DKK3: variants seen among roughly 807,000 people sequenced by gnomAD.
DKK3 encodes dickkopf-related protein 3.
DKK3 carries 22 observed loss-of-function variants against 33.2 expected under a neutral mutation model. That is an observed-to-expected ratio of 0.66 (90% confidence interval 0.47 to 0.95). The LOEUF (loss-of-function observed/expected upper bound fraction) is 0.95. Ranked by LOEUF, DKK3 falls within the 40% of genes least tolerant of loss-of-function variation. DKK3 has a pLI of 0.00. For synonymous variants in DKK3, 194 were observed against 188.8 expected, an observed-to-expected ratio of 1.03 and a Z score of -0.23; for missense variants, 398 against 458.4, an observed-to-expected ratio of 0.87 and a Z score of 1.20.
intron 3 of DKK3, among the ~76,000 whole-genome samples, chr11:11,992,731 C>T (rs529861700): frequency 2.2e-4 from 34 of 152,280 alleles, no homozygotes; most frequent in Non-Finnish European, 4.0e-4. Flanking sequence ...AGCCATCCCC[C>T]TTGTTTATAT....
intron 2 of DKK3, among the ~76,000 whole-genome samples, chr11:12,001,475 C>T (rs915869222): frequency 5.0e-4 from 76 of 152,274 alleles, no homozygotes; most frequent in African/African-American, 1.7e-3. Flanking sequence ...TTTGTGAAGC[C>T]GCTGTGCCCT....
intron 3 of DKK3, among the ~76,000 whole-genome samples, chr11:11,995,802 A>G (rs1793080912): frequency 6.6e-6 from 1 of 152,216 alleles, no homozygotes; most frequent in Non-Finnish European, 1.5e-5. Flanking sequence ...GCCTCACAAC[A>G]AAGACGTCAG....
intron 3 of DKK3, among the ~76,000 whole-genome samples, chr11:11,987,661 A>G (rs1186065434): frequency 2.0e-5 from 3 of 152,230 alleles, no homozygotes; most frequent in Non-Finnish European, 4.4e-5. Flanking sequence ...TTCCTGGTTC[A>G]GAGGAGTTCA....
At chr11:11,968,524 G>A in intron 3 of DKK3, 37 bp from the exon 4 acceptor site, 1 of 1,590,846 alleles carries the variant, frequency 6.3e-7, no homozygotes, top group South Asian at 1.1e-5. Context: ...TGTCAATGGA[G>A]AGCAGAGCAG....
At position 12,002,477 on chromosome 11, in the gene DKK3, CTT is replaced by C. The variant is rs1223606837; in HGVS notation, c.214-42_214-41del. 6.3e-6 allele frequency: 10 copies of C among 1,591,384 alleles called. No individual in the cohort carries two copies. In the African/African-American group the frequency reaches 1.1e-4, roughly 18 times the overall value. On this transcript the variant is annotated intron_variant, in intron 1 of 6. Coordinates refer to ENST00000683431, the MANE Select transcript of DKK3 (RefSeq NM_001018057.2). ...AATTTAATGAGCAAAATTATTTTCT[CTT>C]GTTACAAATGGGAGTCTATTAGAAA...
At position 11,964,226 on chromosome 11, in the gene DKK3, G is replaced by A. The variant is rs561001601; in HGVS notation, c.*238C>T. ...AGCAGCCAATAATCTGGACAGGGGT[G>A]GCAAACTGCTCCTGCAGTTTAACCC... On this transcript the variant is annotated 3_prime_UTR_variant, in exon 7 of 7. Transcript: ENST00000683431. The A allele has an allele frequency of 5.7e-5, 32 of 560,348 alleles. No individual in the cohort carries two copies. Among genetic ancestry groups the A allele is most frequent in the African/African-American group, 4.3e-4 (23 of 53,472 alleles). 34.7% of individuals were successfully genotyped at this position (560,348 alleles called of 1,614,324 possible).
At chr11:12,008,689 C>T, upstream of DKK3, 4 of 1,217,412 alleles carry the variant, frequency 3.3e-6, no homozygotes, top group Admixed American at 8.8e-5. The surrounding 1 kb of genome is among the most constrained non-coding windows in gnomAD (Gnocchi z 4.6). Context: ...TCCGCCCCGC[C>T]GCCCGCCCCT....
chr11:11,986,317 G>A (rs1387476960), intron 3 of DKK3, among the ~76,000 whole-genome samples: 4 of 152,072 alleles, frequency 2.6e-5, no homozygotes, highest in African/African-American at 4.8e-5. Flanking sequence ...CTTCAGACAC[G>A]GGAGCATGCC....
In DKK3 at chr11:11,968,493, G is replaced by A; in HGVS notation, c.436-6C>T. 1 of 1,612,646 alleles carries A rather than the reference G, an allele frequency of 6.2e-7. No homozygotes were observed. Among genetic ancestry groups the A allele is most frequent in the Non-Finnish European group, 8.5e-7 (1 of 1,179,254 alleles). On this transcript the variant is annotated splice_region_variant and splice_polypyrimidine_tract_variant and intron_variant, in intron 3 of 6. Transcript: ENST00000683431. Reference sequence around the variant, plus strand: ...TCCTCGTCGATGATGCACTCCTGGGGAAGGGCACAGGGAGCAGATGTGTCA... The same window carrying A: ...TCCTCGTCGATGATGCACTCCTGGGAAAGGGCACAGGGAGCAGATGTGTCA...
intron 3 of DKK3, among the ~76,000 whole-genome samples, chr11:11,976,994 C>A (rs990636331): frequency 6.6e-6 from 1 of 152,182 alleles, no homozygotes; most frequent in Non-Finnish European, 1.5e-5. Flanking sequence ...TCTAGCCTGA[C>A]CCGCTGCAGA....
chr11:11,972,669 T>G (rs192166024), intron 3 of DKK3, among the ~76,000 whole-genome samples: 8 of 152,352 alleles, frequency 5.3e-5, no homozygotes, highest in African/African-American at 1.7e-4. Flanking sequence ...AGAGGACATG[T>G]GTCAGTGCCC....
intron 6 of DKK3, 135 bp downstream of exon 6, chr11:11,965,674 C>G (rs1847571508): frequency 8.7e-7 from 1 of 1,149,722 alleles, no homozygotes; most frequent in Non-Finnish European, 1.2e-6. Context: ...TCTGCATGAC[C>G]CAACGACCTC....
At chr11:11,993,095 A>G (rs556496938) in intron 3 of DKK3, among the ~76,000 whole-genome samples, 62 of 152,316 alleles carry the variant, frequency 4.1e-4, no homozygotes, top group African/African-American at 1.5e-3. Context: ...ATACCCTTTG[A>G]CTTAGCAATT....
upstream of DKK3, chr11:12,008,670 C>T (rs1433069159): frequency 4.1e-6 from 5 of 1,223,406 alleles, no homozygotes; most frequent in African/African-American, 6.3e-5. This position sits in a 1 kb window ranked among gnomAD's most constrained non-coding sequence, Gnocchi z 4.6. Context: ...GCCCGCCGCC[C>T]CGCCCCGTTC....
intron 3 of DKK3, among the ~76,000 whole-genome samples, chr11:11,988,405 C>T (rs1026872392): frequency 6.6e-6 from 1 of 152,204 alleles, no homozygotes; most frequent in Admixed American, 6.5e-5. Flanking sequence ...TGTCCTTCTG[C>T]ATTCCCCGCT....
chr11:11,968,583 C>G, intron 3 of DKK3, 96 bp from the exon 4 acceptor site: 1 of 1,209,220 alleles, frequency 8.3e-7, no homozygotes. Flanking sequence ...ATTCCCCATT[C>G]TTGACCCCAC....
In DKK3 at chr11:11,990,228, C is replaced by T. The variant is rs1848160038; in HGVS notation, c.435+8468G>A. On this transcript the variant is annotated intron_variant, in intron 3 of 6. Coordinates refer to ENST00000683431, the MANE Select transcript of DKK3 (RefSeq NM_001018057.2). ...AGGAGCTGTTGGGCCCCTGACATGC[C>T]CAGGCTACTCAGAGACCACAGAAAT... is the stretch of plus-strand genomic sequence containing the variant. 2.0e-5 allele frequency among the ~76,000 whole-genome samples: 3 copies of T among 152,272 alleles called. No homozygotes were observed. In the South Asian group the frequency reaches 6.2e-4, roughly 32 times the overall value.
intron 3 of DKK3, among the ~76,000 whole-genome samples, chr11:11,990,061 T>C (rs1349250271): frequency 6.6e-6 from 1 of 152,222 alleles, no homozygotes; most frequent in Non-Finnish European, 1.5e-5. Context: ...ATGAGTTTTT[T>C]GGAATGATGC....
chr11:11,977,329 C>G (rs6485330), intron 3 of DKK3, among the ~76,000 whole-genome samples: 39,088 of 151,466 alleles, frequency 0.26, 7,020 homozygotes, highest in African/African-American at 0.52. Context: ...CTCCAGAGCT[C>G]CTCTGGGAGC....
Sources: allele counts gnomAD v4.1 joint callset (sites outside exome capture counted in the v4.1 genomes callset), GRCh38; gene constraint gnomAD v4.1.1; non-coding constraint Gnocchi (gnomAD v3.1); transcripts MANE v1.5; gene names NCBI Gene and HGNC (gene_info 2026-07-23, HGNC 2026-07-21).